CYP20A1: variants seen among roughly 807,000 people sequenced by gnomAD.
CYP20A1 encodes the protein cytochrome P450 20A1.
CYP20A1 carries 61 observed loss-of-function variants against 61.4 expected under a neutral mutation model. That is an observed-to-expected ratio of 0.99 (90% CI 0.81 to 1.23). The LOEUF (loss-of-function observed/expected upper bound fraction) is 1.23, where lower values mean the gene tolerates loss of function less well. CYP20A1 is among the 50% of genes most tolerant of loss of function. CYP20A1 has a pLI of 0.00. For missense variants in CYP20A1, 530 were observed against 542.4 expected, an observed-to-expected ratio of 0.98 and a Z score of 0.23; for synonymous variants, 193 against 188.2, an observed-to-expected ratio of 1.03 and a Z score of -0.21.
intron 4 of CYP20A1, among the ~76,000 whole-genome samples, chr2:203,252,838 G>A (rs917770478): frequency 7.2e-5 from 11 of 152,042 alleles, no homozygotes; most frequent in Admixed American, 3.9e-4. Flanking sequence ...TCCCCACTTC[G>A]CGGTTGATGA....
chr2:203,279,915 TTTTG>T (rs1251138640), intron 7 of CYP20A1, 140 bp from the exon 8 acceptor site: 9 of 529,792 alleles, frequency 1.7e-5, no homozygotes, highest in Admixed American at 3.9e-5. Context: ...AGATTTGGTT[TTTTG>T]TTTTAGTGAA....
chr2:203,282,743 T>G (rs2152098276), intron 8 of CYP20A1, among the ~76,000 whole-genome samples: 1 of 152,296 alleles, frequency 6.6e-6, no homozygotes, highest in East Asian at 1.9e-4. Context: ...GAAACCTTAA[T>G]AAGTCCTTAC....
rs567656577 is a variant in CYP20A1, at chr2:203,296,705, T to C, written c.1239-53T>C. 1.6e-3 allele frequency: 2,547 copies of C among 1,550,904 alleles called. 3 individuals carry two copies. The highest frequency in any genetic ancestry group is 2.0e-3 in the Non-Finnish European group (2,308 of 1,155,432). Reference sequence around the variant, plus strand: ...GGGGTTCATGTGCAGAACGTGCAGGTTTAAAGTATAATTTTTAATCTTTAG... The same window carrying C: ...GGGGTTCATGTGCAGAACGTGCAGGCTTAAAGTATAATTTTTAATCTTTAG... On this transcript the variant is annotated intron_variant, in intron 12 of 12. Coordinates refer to ENST00000356079, the MANE Select transcript of CYP20A1 (RefSeq NM_177538.3).
At chr2:203,283,872 A>G (rs544517118) in intron 8 of CYP20A1, among the ~76,000 whole-genome samples, 1 of 152,248 alleles carries the variant, frequency 6.6e-6, no homozygotes, top group African/African-American at 2.4e-5. Context: ...AAGTGATAAT[A>G]TAGTCAAGCA....
At chr2:203,256,649 G>A (rs1405743048) in intron 4 of CYP20A1, among the ~76,000 whole-genome samples, 5 of 152,062 alleles carry the variant, frequency 3.3e-5, no homozygotes, top group African/African-American at 4.8e-5. Context: ...GTGAGCCACC[G>A]CACCCACCAG....
At chr2:203,274,384 C>T (rs1055030112) in intron 6 of CYP20A1, among the ~76,000 whole-genome samples, 2 of 151,958 alleles carry the variant, frequency 1.3e-5, no homozygotes, top group Admixed American at 1.3e-4. Flanking sequence ...TGGGGTTTCG[C>T]CATGTTGGCC....
Position 203,305,880 on chromosome 2 carries a change from A to C in CYP20A1, c.*8972A>C, listed in dbSNP as rs1312311093. Among the ~76,000 whole-genome samples the C allele has an allele frequency of 6.6e-6, 1 of 152,206 alleles. No individual in the cohort carries two copies. Among genetic ancestry groups the C allele is most frequent in the East Asian group, 1.9e-4 (1 of 5,200 alleles). On this transcript the variant is annotated 3_prime_UTR_variant, in exon 13 of 13. Coordinates refer to ENST00000356079, the MANE Select transcript of CYP20A1 (RefSeq NM_177538.3). ...AAAATTCAGAAGCCAAGCTATCCATAAAGCTACTTTGTGATGTGCTGAATA... is the reference window on the plus strand; with the variant it reads ...AAAATTCAGAAGCCAAGCTATCCATCAAGCTACTTTGTGATGTGCTGAATA...
At chr2:203,294,278 C>T (rs913385103) in intron 11 of CYP20A1, among the ~76,000 whole-genome samples, 12 of 151,980 alleles carry the variant, frequency 7.9e-5, no homozygotes, top group African/African-American at 2.9e-4. Context: ...GCACAATAAC[C>T]TGTAATCCCA....
At chr2:203,239,924 C>T (rs1359252876) in intron 1 of CYP20A1, among the ~76,000 whole-genome samples, 2 of 152,088 alleles carry the variant, frequency 1.3e-5, no homozygotes, top group African/African-American at 4.8e-5. Flanking sequence ...GGTGACACAC[C>T]GTCTCTACTA....
Position 203,245,900 on chromosome 2 carries a change from GT to G in CYP20A1, c.122+6del. 1 of 1,575,120 alleles carries G rather than the reference GT, an allele frequency of 6.3e-7. No homozygotes were observed. Reference sequence around the variant, plus strand: ...GATTACTCCAACTGAAGAAAAGTGAGTAATTATTTTCTTGGAATTAAGTAGA... The same window carrying G: ...GATTACTCCAACTGAAGAAAAGTGAGAATTATTTTCTTGGAATTAAGTAGA... On this transcript the variant is annotated splice_donor_region_variant and intron_variant, in intron 2 of 12. Transcript: ENST00000356079.
Position 203,245,860 on chromosome 2 carries a change from T to G in CYP20A1, c.87T>G (p.Ala29=). The part of the protein sequence containing the change: ...VLYLYPASRQ[A]AGIPGITPTE... ...TTTTTTGTAAGGCTTCCAGACAAGC[T>G]GCAGGAATTCCAGGGATTACTCCAA... is the stretch of plus-strand genomic sequence containing the variant. Residue 29 remains alanine, a synonymous_variant, in exon 2 of 13, where the codon GCT becomes GCG. Coordinates refer to ENST00000356079, the MANE Select transcript of CYP20A1 (RefSeq NM_177538.3). The G allele has an allele frequency of 6.2e-7, 1 of 1,603,616 alleles. No homozygotes were observed. Among genetic ancestry groups the G allele is most frequent in the Non-Finnish European group, 8.5e-7 (1 of 1,172,962 alleles).
In CYP20A1 at chr2:203,304,847, G is replaced by T. The variant is rs1166590840; in HGVS notation, c.*7939G>T. Among the ~76,000 whole-genome samples, 1 of 152,054 alleles carries T rather than the reference G, an allele frequency of 6.6e-6. No homozygotes were observed. Among genetic ancestry groups the T allele is most frequent in the African/African-American group, 2.4e-5 (1 of 41,400 alleles). On this transcript the variant is annotated 3_prime_UTR_variant, in exon 13 of 13. Coordinates refer to ENST00000356079, the MANE Select transcript of CYP20A1 (RefSeq NM_177538.3). ...ACTACTCAGGAGGCTGAGGTGGGAG[G>T]ATTGCTTGAGCCCAGGAGGTAGAGG...
chr2:203,296,170 A>T (rs901387664), intron 11 of CYP20A1, among the ~76,000 whole-genome samples: 1 of 152,132 alleles, frequency 6.6e-6, no homozygotes, highest in Non-Finnish European at 1.5e-5. Context: ...AAGCTGAGGT[A>T]GAAGGATAGT....
chr2:203,266,555 G>A lies in CYP20A1; in HGVS notation c.474G>A (p.Glu158=). Residue 158 remains glutamate, a synonymous_variant, in exon 5 of 13, where the codon GAG becomes GAA. Transcript: ENST00000356079. ...TAGATAAATGGCTCTCCTACCCAGAGACCCAGCACGTGCCCCTCAGCCAGC... is the reference window on the plus strand; with the variant it reads ...TAGATAAATGGCTCTCCTACCCAGAAACCCAGCACGTGCCCCTCAGCCAGC... ...ELLDKWLSYP[E]TQHVPLSQHM... is the part of the protein sequence containing the mutation. 1.2e-6 allele frequency: 2 copies of A among 1,614,112 alleles called. No homozygotes were observed. The highest frequency in any genetic ancestry group is 1.7e-6 in the Non-Finnish European group (2 of 1,180,004).
intron 4 of CYP20A1, 36 bp from the exon 5 acceptor site, chr2:203,266,478 A>G: frequency 6.4e-7 from 1 of 1,573,404 alleles, no homozygotes; most frequent in Non-Finnish European, 8.7e-7. Flanking sequence ...TAGAAAGAAG[A>G]AACAGTAATC....
At position 203,300,901 on chromosome 2, in the gene CYP20A1, A is replaced by C. The variant is rs2068993336; in HGVS notation, c.*3993A>C. On this transcript the variant is annotated 3_prime_UTR_variant, in exon 13 of 13. Coordinates refer to ENST00000356079, the MANE Select transcript of CYP20A1 (RefSeq NM_177538.3). ...CAAAACTCCGTCTCAGAAAAAAAAA[A>C]AAAAAAAAAAAACGGCCAGGCGAGG... Among the ~76,000 whole-genome samples, 1 of 149,064 alleles carries C rather than the reference A, an allele frequency of 6.7e-6. No individual in the cohort carries two copies. The highest frequency in any genetic ancestry group is 2.0e-4 in the East Asian group (1 of 5,110).
chr2:203,272,828 A>T, intron 6 of CYP20A1, 80 bp downstream of exon 6: 1 of 760,902 alleles, frequency 1.3e-6, no homozygotes, highest in Non-Finnish European at 2.1e-6. Flanking sequence ...CTGAATAGTG[A>T]GATTAAAGGT....
chr2:203,283,418 G>C (rs1469602503), intron 8 of CYP20A1, among the ~76,000 whole-genome samples: 3 of 151,220 alleles, frequency 2.0e-5, no homozygotes, highest in Non-Finnish European at 1.5e-5. Context: ...AGGTTTCACT[G>C]TGTTGGCCAG....
intron 6 of CYP20A1, among the ~76,000 whole-genome samples, chr2:203,273,100 C>T (rs2067674025): frequency 6.6e-6 from 1 of 152,132 alleles, no homozygotes; most frequent in South Asian, 2.1e-4. Context: ...CTGCCTCGGC[C>T]TCCCAAAGTG....
Sources: allele counts gnomAD v4.1 joint callset (sites outside exome capture counted in the v4.1 genomes callset), GRCh38; gene constraint gnomAD v4.1.1; transcripts MANE v1.5; gene names NCBI Gene and HGNC (gene_info 2026-07-23, HGNC 2026-07-21).